Variants in ADAMTSL3 observed in about 807,000 individuals in gnomAD.
ADAMTSL3 encodes the protein ADAMTS-like protein 3.
A neutral mutation model predicts 201.7 loss-of-function variants in ADAMTSL3; 128 were observed. That is an observed-to-expected ratio of 0.63 (90% CI 0.55 to 0.73). The LOEUF is 0.73. Ranked by LOEUF, ADAMTSL3 falls within the 30% of genes least tolerant of loss-of-function variation. ADAMTSL3 has a pLI of 0.00. For missense variants in ADAMTSL3, 1,990 were observed against 2,119.6 expected (o/e 0.94, Z 1.20); for synonymous variants, 738 against 748.4 (o/e 0.99, Z 0.23).
rs191034743 is a variant in ADAMTSL3, at chr15:83,861,031, G to A, written c.802+2191G>A. On this transcript the variant is annotated intron_variant, in intron 8 of 29. Transcript: ENST00000286744. ...ACCAGGAGATTATATCCCACGTCTG[G>A]CTCAGAGGGTCCTATGCCCACGGAG... Among the ~76,000 whole-genome samples the A allele has an allele frequency of 1.2e-4, 19 of 152,294 alleles. No individual in the cohort carries two copies. The East Asian group carries it at 3.7e-3, about 29-fold the overall frequency.
intron 6 of ADAMTSL3, among the ~76,000 whole-genome samples, chr15:83,826,856 C>A (rs1180654540): frequency 6.6e-6 from 1 of 152,070 alleles, no homozygotes; most frequent in Non-Finnish European, 1.5e-5. Context: ...TTTTTTATGG[C>A]TGCATAGTAT....
At chr15:83,783,011 A>G (rs2063200455) in intron 4 of ADAMTSL3, among the ~76,000 whole-genome samples, 1 of 147,990 alleles carries the variant, frequency 6.8e-6, no homozygotes, top group Non-Finnish European at 1.5e-5. Context: ...TATATTATAT[A>G]TACATATATA....
intron 23 of ADAMTSL3, among the ~76,000 whole-genome samples, chr15:84,002,518 T>G (rs1055957983): frequency 6.6e-6 from 1 of 152,188 alleles, no homozygotes; most frequent in Admixed American, 6.5e-5. Context: ...TATATTGTCA[T>G]CATGTAGTTC....
At chr15:84,005,106 G>GT (rs1294227556) in intron 23 of ADAMTSL3, among the ~76,000 whole-genome samples, 5 of 152,166 alleles carry the variant, frequency 3.3e-5, no homozygotes, top group Non-Finnish European at 4.4e-5. Flanking sequence ...AGAGTTAGTG[G>GT]TTTAAGGAAA....
intron 8 of ADAMTSL3, among the ~76,000 whole-genome samples, chr15:83,865,676 G>A (rs1193876349): frequency 6.6e-6 from 1 of 152,100 alleles, no homozygotes; most frequent in African/African-American, 2.4e-5. Flanking sequence ...GAAAACCTAG[G>A]CAATACCATT....
intron 2 of ADAMTSL3, among the ~76,000 whole-genome samples, chr15:83,656,905 T>C (rs1354797064): frequency 2.0e-5 from 3 of 152,254 alleles, no homozygotes; most frequent in African/African-American, 4.8e-5. Context: ...TTCTTGGACT[T>C]AGTGCCTCTA....
intron 5 of ADAMTSL3, among the ~76,000 whole-genome samples, chr15:83,808,326 G>A (rs2063635734): frequency 6.6e-6 from 1 of 152,044 alleles, no homozygotes; most frequent in South Asian, 2.1e-4. Context: ...TGGGCAAAAG[G>A]CCTTAATGGA....
chr15:83,844,212 A>G (rs1031890755), intron 7 of ADAMTSL3, among the ~76,000 whole-genome samples: 4 of 152,200 alleles, frequency 2.6e-5, no homozygotes, highest in African/African-American at 7.2e-5. Flanking sequence ...AACTGGGAAC[A>G]CCAGCATTTT....
chr15:83,780,587 A>C (rs1286707198), intron 4 of ADAMTSL3, among the ~76,000 whole-genome samples: 2 of 152,146 alleles, frequency 1.3e-5, no homozygotes, highest in Non-Finnish European at 2.9e-5. Flanking sequence ...ACTCCTATTC[A>C]ACATAGTGCT....
intron 16 of ADAMTSL3, among the ~76,000 whole-genome samples, chr15:83,916,113 C>T (rs1206105463): frequency 2.0e-5 from 3 of 152,098 alleles, no homozygotes; most frequent in Non-Finnish European, 4.4e-5. Context: ...ACCTTTTGCC[C>T]TGCTATGAGA....
At chr15:83,883,501 T>C (rs950335736) in intron 9 of ADAMTSL3, among the ~76,000 whole-genome samples, 3 of 148,380 alleles carry the variant, frequency 2.0e-5, no homozygotes, top group Non-Finnish European at 3.0e-5. Context: ...TGTTAAAATT[T>C]TTTATCCCAA....
chr15:84,011,215 T>G (rs2068000524), intron 23 of ADAMTSL3, among the ~76,000 whole-genome samples: 1 of 152,218 alleles, frequency 6.6e-6, no homozygotes, highest in Non-Finnish European at 1.5e-5. Context: ...TTTAAATGAT[T>G]TACTTTAAAA....
At chr15:83,668,880 A>T (rs2141380993) in intron 2 of ADAMTSL3, among the ~76,000 whole-genome samples, 1 of 152,014 alleles carries the variant, frequency 6.6e-6, no homozygotes, top group Non-Finnish European at 1.5e-5. Context: ...ACCAGAACAT[A>T]TTTTTTTTCT....
intron 2 of ADAMTSL3, among the ~76,000 whole-genome samples, chr15:83,673,467 G>A (rs542405186): frequency 1.3e-5 from 2 of 152,256 alleles, no homozygotes; most frequent in East Asian, 3.9e-4. Flanking sequence ...CAGTCTGTTG[G>A]CATCATTGCT....
chr15:83,825,269 C>A (rs901457314), intron 6 of ADAMTSL3, among the ~76,000 whole-genome samples: 1 of 152,118 alleles, frequency 6.6e-6, no homozygotes, highest in Non-Finnish European at 1.5e-5. Context: ...TTTCCAAGTT[C>A]TTGACAATGA....
chr15:83,983,567 G>A (rs1044928384), intron 21 of ADAMTSL3, among the ~76,000 whole-genome samples: 8 of 152,174 alleles, frequency 5.3e-5, no homozygotes, highest in African/African-American at 1.9e-4. Context: ...GGTGTGATAT[G>A]ACTGGATCCA....
chr15:83,801,685 T>TATAA (rs2063527204), intron 4 of ADAMTSL3, among the ~76,000 whole-genome samples: 1 of 88,110 alleles, frequency 1.1e-5, no homozygotes, highest in Non-Finnish European at 2.3e-5. Context: ...TATATATATA[T>TATAA]ATATATATAT....
chr15:83,825,611 T>C lies in ADAMTSL3; in HGVS notation c.600+5564T>C, dbSNP rs190424460. Among the ~76,000 whole-genome samples, 435 of 152,240 alleles carry C rather than the reference T, an allele frequency of 2.9e-3. 4 individuals carry two copies. Among genetic ancestry groups the C allele is most frequent in the African/African-American group, 0.01 (416 of 41,548 alleles). On this transcript the variant is annotated intron_variant, in intron 6 of 29. Coordinates refer to ENST00000286744, the MANE Select transcript of ADAMTSL3 (RefSeq NM_207517.3). ...TCCAGCCTATGATAGGGTGAGACCC[T>C]GTTTCTAAAAAATAAAAATATAAAT... is the stretch of plus-strand genomic sequence containing the variant.
At chr15:83,787,803 T>G (rs931058554) in intron 4 of ADAMTSL3, among the ~76,000 whole-genome samples, 1 of 152,140 alleles carries the variant, frequency 6.6e-6, no homozygotes, top group Admixed American at 6.6e-5. Flanking sequence ...TGCTCCTTTC[T>G]CTTCCTTTCT....
Sources: gnomAD v4.1 joint callset for allele counts (sites outside exome capture counted in the v4.1 genomes callset) on GRCh38, gnomAD v4.1.1 for gene constraint, MANE v1.5 for transcripts, NCBI Gene and HGNC (gene_info 2026-07-23, HGNC 2026-07-21) for gene names.